Variants in ADAMTS19 observed in about 807,000 individuals in gnomAD.
ADAMTS19 encodes the protein A disintegrin and metalloproteinase with thrombospondin motifs 19.
In ADAMTS19, 93 loss-of-function variants were observed where a neutral mutation model predicts 153.3. That is an observed-to-expected ratio of 0.61 (90% confidence interval 0.51 to 0.72). ADAMTS19 has a LOEUF of 0.72. ADAMTS19 is among the 30% of genes least tolerant of loss of function. The pLI is 0.00. For synonymous variants in ADAMTS19, 600 were observed against 556.6 expected (o/e 1.08, Z -1.10); for missense variants, 1,482 against 1,552.1 (o/e 0.95, Z 0.76).
intron 16 of ADAMTS19, among the ~76,000 whole-genome samples, chr5:129,667,372 T>C (rs1219583960): frequency 6.6e-6 from 1 of 152,186 alleles, no homozygotes; most frequent in Non-Finnish European, 1.5e-5. Flanking sequence ...AAAAGTTTCA[T>C]AGGTACCTCA....
intron 6 of ADAMTS19, among the ~76,000 whole-genome samples, chr5:129,535,359 G>A (rs1456894214): frequency 1.3e-5 from 2 of 152,128 alleles, no homozygotes; most frequent in Non-Finnish European, 2.9e-5. Flanking sequence ...TACAAGGGGT[G>A]TGAAGGACCT....
chr5:129,605,184 G>A (rs1442497359), intron 8 of ADAMTS19, among the ~76,000 whole-genome samples: 1 of 152,124 alleles, frequency 6.6e-6, no homozygotes, highest in Non-Finnish European at 1.5e-5. Context: ...GATTCAGGGA[G>A]ATTCATTTAC....
At chr5:129,550,920 C>T (rs1366370915) in intron 6 of ADAMTS19, among the ~76,000 whole-genome samples, 1 of 151,478 alleles carries the variant, frequency 6.6e-6, no homozygotes, top group East Asian at 1.9e-4. Flanking sequence ...TAAAAAAAAT[C>T]CCCAACCAAA....
In ADAMTS19 at chr5:129,622,274, GGGA is replaced by G. The variant is rs762549555; in HGVS notation, c.1697_1699del (p.Gly566_Met567delinsVal). The G allele has an allele frequency of 6.2e-7, 1 of 1,614,108 alleles. No individual in the cohort carries two copies. Among genetic ancestry groups the G allele is most frequent in the Non-Finnish European group, 8.5e-7 (1 of 1,180,004 alleles). On this transcript the variant is annotated inframe_deletion, in exon 10 of 23. Coordinates refer to ENST00000274487, the MANE Select transcript of ADAMTS19 (RefSeq NM_133638.6). ...TGTGATGGTTCCCTCCAAGCTGCCA[GGGA>G]TGACATACACTGCTGATGAACAATG...
At chr5:129,533,505 G>A (rs112580929) in intron 6 of ADAMTS19, among the ~76,000 whole-genome samples, 23,720 of 151,924 alleles carry the variant, frequency 0.16, 2,400 homozygotes, top group African/African-American at 0.29. Context: ...TTAGTCTTGC[G>A]AGTGGTCTAT....
At chr5:129,620,895 T>G in intron 9 of ADAMTS19, 137 bp downstream of exon 9, 1 of 804,940 alleles carries the variant, frequency 1.2e-6, no homozygotes, top group South Asian at 2.8e-5. Flanking sequence ...ATCCTGGCTT[T>G]TCCATTAACT....
intron 21 of ADAMTS19, among the ~76,000 whole-genome samples, chr5:129,709,867 A>G (rs1756356579): frequency 6.6e-6 from 1 of 152,080 alleles, no homozygotes; most frequent in Non-Finnish European, 1.5e-5. Context: ...TTTTTGTTAT[A>G]TTGGATTCTT....
intron 7 of ADAMTS19, among the ~76,000 whole-genome samples, chr5:129,571,073 G>A (rs923926718): frequency 8.6e-5 from 13 of 151,770 alleles, no homozygotes; most frequent in African/African-American, 2.7e-4. Flanking sequence ...TATGCAATTA[G>A]GTGAGAAAAC....
intron 2 of ADAMTS19, among the ~76,000 whole-genome samples, chr5:129,506,437 GT>G (rs111482528): frequency 0.083 from 12,290 of 148,520 alleles, 851 homozygotes; most frequent in African/African-American, 0.2. Flanking sequence ...TAGCTTTCTT[GT>G]TTTTTTTTTA....
intron 7 of ADAMTS19, among the ~76,000 whole-genome samples, chr5:129,579,793 A>T (rs1022875202): frequency 2.0e-5 from 3 of 152,074 alleles, no homozygotes; most frequent in Non-Finnish European, 4.4e-5. Context: ...CCGTTGGTCT[A>T]TATATCTGTT....
chr5:129,555,513 C>T (rs1753283497), intron 7 of ADAMTS19, among the ~76,000 whole-genome samples: 1 of 152,122 alleles, frequency 6.6e-6, no homozygotes, highest in Non-Finnish European at 1.5e-5. Context: ...GGCTATGCTA[C>T]TTATTGACTA....
intron 7 of ADAMTS19, among the ~76,000 whole-genome samples, chr5:129,559,216 T>C (rs1581084004): frequency 6.6e-6 from 1 of 152,206 alleles, no homozygotes; most frequent in South Asian, 2.1e-4. Context: ...CTTAGAATTA[T>C]TGATGTATAT....
chr5:129,470,870 G>GT (rs11405875), intron 2 of ADAMTS19, among the ~76,000 whole-genome samples: 32,312 of 151,178 alleles, frequency 0.21, 4,424 homozygotes, highest in African/African-American at 0.39. Flanking sequence ...ATCTAAATAT[G>GT]TTTTTTTTTC....
chr5:129,654,472 A>C, intron 14 of ADAMTS19, 39 bp downstream of exon 14: 3 of 1,589,998 alleles, frequency 1.9e-6, no homozygotes, highest in Non-Finnish European at 2.6e-6. Flanking sequence ...TATATGTTGA[A>C]GGAAAATTGT....
intron 10 of ADAMTS19, among the ~76,000 whole-genome samples, chr5:129,640,557 G>A (rs1475810343): frequency 1.3e-5 from 2 of 152,030 alleles, no homozygotes; most frequent in African/African-American, 2.4e-5. Context: ...ATCTGCTGCT[G>A]GTCAACTGCT....
chr5:129,580,443 T>C (rs1581108481), intron 7 of ADAMTS19, among the ~76,000 whole-genome samples: 1 of 152,330 alleles, frequency 6.6e-6, no homozygotes, highest in African/African-American at 2.4e-5. Flanking sequence ...CTTGCCTGAC[T>C]GCCCTGGCCA....
Position 129,737,230 on chromosome 5 carries a change from C to T in ADAMTS19, c.*12C>T, listed in dbSNP as rs1340998228. 1 of 1,582,504 alleles carries T rather than the reference C, an allele frequency of 6.3e-7. No individual in the cohort carries two copies. The highest frequency in any genetic ancestry group is 8.6e-7 in the Non-Finnish European group (1 of 1,159,024). The stretch of plus-strand genomic sequence containing the variant: ...AGCAGAAGAGTTGACCTCTAGCAGG[C>T]TGGCTGGATCACAGCTCTTGGCAAT... On this transcript the variant is annotated 3_prime_UTR_variant, in exon 23 of 23. Coordinates refer to ENST00000274487, the MANE Select transcript of ADAMTS19 (RefSeq NM_133638.6).
chr5:129,662,435 G>C (rs1027110788), intron 15 of ADAMTS19, among the ~76,000 whole-genome samples: 2 of 152,138 alleles, frequency 1.3e-5, no homozygotes, highest in African/African-American at 4.8e-5. Flanking sequence ...ATATGTGTTT[G>C]ATTAATACTT....
chr5:129,522,842 G>C (rs1384400223), intron 3 of ADAMTS19, among the ~76,000 whole-genome samples: 1 of 152,044 alleles, frequency 6.6e-6, no homozygotes, highest in Non-Finnish European at 1.5e-5. Context: ...GATCATCTGA[G>C]GTCAGGAGTT....
Sources: gnomAD v4.1 joint callset for allele counts (sites outside exome capture counted in the v4.1 genomes callset) on GRCh38, gnomAD v4.1.1 for gene constraint, MANE v1.5 for transcripts, NCBI Gene and HGNC (gene_info 2026-07-23, HGNC 2026-07-21) for gene names.